The following BRF1 variants were observed in gnomAD, a reference collection of about 807,000 sequenced individuals.
The protein encoded by BRF1 is transcription factor IIIB 90 kDa subunit.
A neutral mutation model predicts 81.7 loss-of-function variants in BRF1; 59 were observed. The observed-to-expected ratio is 0.72, with a 90% confidence interval of 0.59 to 0.90. BRF1 has a LOEUF of 0.90. Ranked by LOEUF, BRF1 falls within the 40% of genes least tolerant of loss-of-function variation. The pLI is 0.00. For synonymous variants in BRF1, 491 were observed against 395.6 expected (o/e 1.24, Z -2.86); for missense variants, 1,050 against 936.3 (o/e 1.12, Z -1.58).
chr14:105,243,184 T>C (rs1339586508), intron 5 of BRF1, among the ~76,000 whole-genome samples: 2 of 150,394 alleles, frequency 1.3e-5, no homozygotes, highest in Admixed American at 6.6e-5. Flanking sequence ...CTCACATCTG[T>C]AATCCCAGAA....
chr14:105,261,108 G>C (rs1394076987), intron 3 of BRF1, among the ~76,000 whole-genome samples: 1 of 152,244 alleles, frequency 6.6e-6, no homozygotes, highest in Admixed American at 6.5e-5. Context: ...GCGGCCCCCA[G>C]GGTGCGAAAG....
chr14:105,227,003 A>G (rs2091919), intron 7 of BRF1: 2 of 462,130 alleles, frequency 4.3e-6, no homozygotes, highest in Non-Finnish European at 7.6e-6. Context: ...AGTTTCTGCT[A>G]CTTGGGAGGC....
At position 105,210,666 on chromosome 14, in the gene BRF1, T is replaced by C; in HGVS notation, c.1997-78A>G. The C allele has an allele frequency of 4.0e-6, 6 of 1,508,298 alleles. No homozygotes were observed. Among genetic ancestry groups the C allele is most frequent in the Non-Finnish European group, 5.4e-6 (6 of 1,108,338 alleles). 93.4% of individuals were successfully genotyped at this position (1,508,298 alleles called of 1,614,324 possible). A position where few individuals can be genotyped will look rare whatever the true frequency, so the allele number is the denominator to read the frequency against. ...CAGACCCCCCAACCCGCCCTGTTCCTGGTGCCCCCCTAGAAGACTCAGGCT... is the reference window on the plus strand; with the variant it reads ...CAGACCCCCCAACCCGCCCTGTTCCCGGTGCCCCCCTAGAAGACTCAGGCT... On this transcript the variant is annotated intron_variant, in intron 17 of 17. Coordinates refer to ENST00000547530, the MANE Select transcript of BRF1 (RefSeq NM_001519.4). This position sits in a 1 kb window ranked among gnomAD's most constrained non-coding sequence, Gnocchi z 4.7.
At chr14:105,257,546 C>T (rs187615083) in intron 3 of BRF1, among the ~76,000 whole-genome samples, 2 of 152,278 alleles carry the variant, frequency 1.3e-5, no homozygotes, top group East Asian at 3.9e-4. Flanking sequence ...ACCCCCAGGA[C>T]GGCTGGGACG....
chr14:105,300,343 G>T, intron 1 of BRF1, 103 bp downstream of exon 1: 2 of 1,267,860 alleles, frequency 1.6e-6, no homozygotes, highest in South Asian at 1.8e-5. Context: ...CGCCCCGACA[G>T]AGCGTGCGGT....
chr14:105,219,433 C>A (rs1013705598), intron 12 of BRF1: 6 of 1,193,880 alleles, frequency 5.0e-6, no homozygotes, highest in Non-Finnish European at 6.8e-6. Flanking sequence ...TGTCCCAAGG[C>A]CAACCACGCA....
intron 1 of BRF1, among the ~76,000 whole-genome samples, chr14:105,310,337 T>A: frequency 6.6e-6 from 1 of 151,324 alleles, no homozygotes; most frequent in Non-Finnish European, 1.5e-5. Flanking sequence ...AAGACCATCC[T>A]GGCTAACACG....
intron 1 of BRF1, among the ~76,000 whole-genome samples, chr14:105,306,587 G>A (rs2058194010): frequency 6.6e-6 from 1 of 151,872 alleles, no homozygotes; most frequent in African/African-American, 2.4e-5. Flanking sequence ...ATAGGCATGA[G>A]CCACCACACC....
chr14:105,296,927 G>A (rs1028937451), intron 1 of BRF1, among the ~76,000 whole-genome samples: 7 of 151,470 alleles, frequency 4.6e-5, no homozygotes, highest in Non-Finnish European at 4.4e-5. Context: ...AGGCTGAAGT[G>A]GGGGGGGATC....
intron 3 of BRF1, among the ~76,000 whole-genome samples, chr14:105,259,437 C>CT (rs1394904146): frequency 6.6e-6 from 1 of 152,136 alleles, no homozygotes; most frequent in Non-Finnish European, 1.5e-5. Context: ...GAGTGAGACT[C>CT]TGTCTCTAAA....
chr14:105,216,803 C>A (rs1398053678), intron 15 of BRF1, among the ~76,000 whole-genome samples: 1 of 152,210 alleles, frequency 6.6e-6, no homozygotes, highest in Non-Finnish European at 1.5e-5. Context: ...GCAGACACAC[C>A]CAGCCCGGAG....
chr14:105,248,221 C>A, intron 5 of BRF1: 1 of 985,498 alleles, frequency 1.0e-6, no homozygotes, highest in Non-Finnish European at 1.2e-6. Flanking sequence ...TCTGAACGAA[C>A]GAGGAAGCCC....
intron 8 of BRF1, 133 bp downstream of exon 8, chr14:105,226,501 G>T: frequency 6.6e-7 from 1 of 1,514,522 alleles, no homozygotes; most frequent in South Asian, 1.2e-5. Flanking sequence ...TCGGGCTCTG[G>T]CTGGTCATAG....
Position 105,314,983 on chromosome 14 carries a change from T to C in BRF1, c.-162+339A>G. On this transcript the variant is annotated intron_variant, in intron 1 of 17. Transcript: ENST00000327359. Reference sequence around the variant, plus strand: ...GGCGCGCTCAACACGCCCGTGCCCATGAACCTGTTCGCCACCTGGGAGGTG... The same window carrying C: ...GGCGCGCTCAACACGCCCGTGCCCACGAACCTGTTCGCCACCTGGGAGGTG... 2 of 1,246,568 alleles carry C rather than the reference T, an allele frequency of 1.6e-6. No individual in the cohort carries two copies. The highest frequency in any genetic ancestry group is 2.1e-6 in the Non-Finnish European group (2 of 973,748). The allele number at this position is 1,246,568 out of a possible 1,614,324, so 77.2% of individuals were successfully genotyped here.
intron 2 of BRF1, among the ~76,000 whole-genome samples, chr14:105,279,836 G>C (rs1271807118): frequency 6.6e-6 from 1 of 152,110 alleles, no homozygotes; most frequent in Non-Finnish European, 1.5e-5. Flanking sequence ...GATAAACTGT[G>C]GTCTATTCAT....
chr14:105,228,954 A>G (rs759796994), intron 6 of BRF1, 41 bp from the exon 7 acceptor site: 2 of 1,583,902 alleles, frequency 1.3e-6, no homozygotes, highest in Non-Finnish European at 1.7e-6. Flanking sequence ...CACGGCTGGG[A>G]ACCAGGGCAA....
At chr14:105,314,833 C>G (rs1268527945) in intron 1 of BRF1, 12 of 447,072 alleles carry the variant, frequency 2.7e-5, no homozygotes, top group African/African-American at 1.7e-4. Context: ...ACCGCGCCGC[C>G]GCCCTCCGCG....
chr14:105,228,646 C>T (rs939449065), intron 7 of BRF1, among the ~76,000 whole-genome samples, 174 bp downstream of exon 7: 1 of 152,076 alleles, frequency 6.6e-6, no homozygotes, highest in Non-Finnish European at 1.5e-5. Flanking sequence ...GGAGGCGAGG[C>T]AGCCCACCAG....
intron 1 of BRF1, among the ~76,000 whole-genome samples, chr14:105,287,832 T>C (rs961236020): frequency 2.6e-5 from 4 of 152,258 alleles, no homozygotes; most frequent in African/African-American, 9.6e-5. Flanking sequence ...AAGAAAAGTT[T>C]TGAAGAGAGC....
Sources: gnomAD v4.1 joint callset for allele counts (sites outside exome capture counted in the v4.1 genomes callset) on GRCh38, gnomAD v4.1.1 for gene constraint, Gnocchi (gnomAD v3.1) non-coding constraint, MANE v1.5 for transcripts, NCBI Gene and HGNC (gene_info 2026-07-23, HGNC 2026-07-21) for gene names.